The following CLSPN variants were observed in gnomAD, a reference collection of about 807,000 sequenced individuals.
CLSPN encodes the protein claspin homolog.
A neutral mutation model predicts 156.3 loss-of-function variants in CLSPN; 85 were observed. The ratio of observed to expected loss-of-function variants is 0.54; its 90% CI spans 0.46 to 0.65. The LOEUF (loss-of-function observed/expected upper bound fraction) is 0.65, where lower values mean the gene tolerates loss of function less well. Ranked by LOEUF, CLSPN falls within the 30% of genes least tolerant of loss-of-function variation. The probability of loss-of-function intolerance (pLI) is 0.00; values close to 1 mark genes in which losing one functional copy is unlikely to be tolerated. For synonymous variants in CLSPN, 534 were observed against 542.4 expected (o/e 0.98, Z 0.22); for missense variants, 1,407 against 1,554.9 (o/e 0.90, Z 1.60).
At chr1:35,751,716 A>T (rs1357944368) in intron 9 of CLSPN, among the ~76,000 whole-genome samples, 3 of 152,082 alleles carry the variant, frequency 2.0e-5, no homozygotes, top group Non-Finnish European at 4.4e-5. Flanking sequence ...CTACTCAGGG[A>T]TTATAAAATA....
chr1:35,742,233 G>A (rs1338603383), intron 18 of CLSPN, among the ~76,000 whole-genome samples: 2 of 152,218 alleles, frequency 1.3e-5, no homozygotes, highest in Non-Finnish European at 2.9e-5. Context: ...CTGACTGTTA[G>A]GGGAGATTTC....
chr1:35,727,630 A>T (rs567871239), downstream of CLSPN, among the ~76,000 whole-genome samples: 3 of 152,314 alleles, frequency 2.0e-5, no homozygotes, highest in East Asian at 5.8e-4. Context: ...TTATGCACTG[A>T]TCCTTGGAAA....
chr1:35,725,615 G>A (rs1249208510), intron 24 of CLSPN, among the ~76,000 whole-genome samples: 2 of 151,452 alleles, frequency 1.3e-5, no homozygotes, highest in African/African-American at 4.8e-5. Flanking sequence ...AGGCCTGACA[G>A]TTCCTTTCTG....
At chr1:35,763,103 A>C (rs1246844402) in intron 4 of CLSPN, 57 bp downstream of exon 4, 3 of 1,342,034 alleles carry the variant, frequency 2.2e-6, no homozygotes, top group Non-Finnish European at 2.9e-6. Flanking sequence ...TAAATTAAAA[A>C]TATAGCAAAG....
intron 24 of CLSPN, among the ~76,000 whole-genome samples, chr1:35,724,247 G>A (rs1344196994): frequency 6.6e-6 from 1 of 152,174 alleles, no homozygotes; most frequent in Non-Finnish European, 1.5e-5. Flanking sequence ...CTAGCACAGA[G>A]GTGATATTTG....
Position 35,764,548 on chromosome 1 carries a change from G to T in CLSPN, c.300C>A (p.Ile100=). The T allele has an allele frequency of 6.2e-7, 1 of 1,613,706 alleles. No individual in the cohort carries two copies. The highest frequency in any genetic ancestry group is 1.1e-5 in the South Asian group (1 of 91,050). ...CTGCCACAGTTTTGTAAATCCTTTT[G>T]ATTTTTGTATTTTTCCCAGCATATA... ...ENLYAGKNTK[I]KRIYKTVADS... The change falls in exon 3 of 25, where the codon ATC becomes ATA. Residue 100 remains isoleucine (I), a synonymous_variant. Coordinates refer to ENST00000318121, the MANE Select transcript of CLSPN (RefSeq NM_022111.4).
chr1:35,747,492 A>G (rs769542857), intron 14 of CLSPN, among the ~76,000 whole-genome samples: 1 of 152,220 alleles, frequency 6.6e-6, no homozygotes, highest in Non-Finnish European at 1.5e-5. Context: ...TTGTGAAAGA[A>G]TAAAATGTTA....
chr1:35,720,788 G>A (rs1641056498), exon 25 of CLSPN: 1 of 757,382 alleles, frequency 1.3e-6, no homozygotes, highest in Middle Eastern at 2.4e-4. Flanking sequence ...GTGATCTAGG[G>A]TTATGCAGTT....
chr1:35,722,627 CTCTCTT>C (rs902947878), intron 24 of CLSPN, among the ~76,000 whole-genome samples: 1 of 151,804 alleles, frequency 6.6e-6, no homozygotes, highest in African/African-American at 2.4e-5. Flanking sequence ...ATTGTAGTCT[CTCTCTT>C]TCTTTTTTTT....
chr1:35,730,998 G>A (rs1252561114), downstream of CLSPN, among the ~76,000 whole-genome samples: 1 of 151,886 alleles, frequency 6.6e-6, no homozygotes, highest in Non-Finnish European at 1.5e-5. Flanking sequence ...TCAAGAGTTC[G>A]AGACCAGCCT....
intron 3 of CLSPN, 140 bp downstream of exon 3, chr1:35,764,126 C>T: frequency 1.6e-6 from 1 of 626,582 alleles, no homozygotes; most frequent in South Asian, 2.1e-5. Flanking sequence ...AAATCACATA[C>T]CTATTGAGAA....
intron 9 of CLSPN, 137 bp from the exon 10 acceptor site, chr1:35,751,643 G>T: frequency 9.2e-7 from 1 of 1,084,434 alleles, no homozygotes; most frequent in Non-Finnish European, 1.3e-6. Context: ...TTTGTTATTT[G>T]AACACAAGAG....
chr1:35,746,890 C>T lies in CLSPN; in HGVS notation c.2730G>A (p.Glu910=), dbSNP rs968872565. 2 of 1,613,542 alleles carry T rather than the reference C, an allele frequency of 1.2e-6. No individual in the cohort carries two copies. Among genetic ancestry groups the T allele is most frequent in the South Asian group, 2.2e-5 (2 of 91,084 alleles). ...ACTTTCCAGTACACAAATCCAACAGCTCATCCATGTTGGCATCCATGGCAT... is the reference window on the plus strand; with the variant it reads ...ACTTTCCAGTACACAAATCCAACAGTTCATCCATGTTGGCATCCATGGCAT... ...DENAMDANMD[E]LLDLCTGKFT... The change falls in exon 15 of 25, where the codon GAG becomes GAA. Residue 910 remains glutamate (E), a synonymous_variant. Coordinates refer to ENST00000318121, the MANE Select transcript of CLSPN (RefSeq NM_022111.4). This position sits in a 1 kb window ranked among gnomAD's most constrained non-coding sequence, Gnocchi z 4.2.
downstream of CLSPN, among the ~76,000 whole-genome samples, chr1:35,727,354 G>A (rs1017722145): frequency 2.6e-5 from 4 of 152,170 alleles, no homozygotes; most frequent in Non-Finnish European, 4.4e-5. Flanking sequence ...CCCAAAATAA[G>A]CTAAGAAGGC....
At chr1:35,737,904 G>T in intron 22 of CLSPN, 88 bp downstream of exon 22, 1 of 663,728 alleles carries the variant, frequency 1.5e-6, no homozygotes, top group Non-Finnish European at 2.4e-6. Flanking sequence ...TGATTAAGCT[G>T]CAACAGCTCC....
intron 22 of CLSPN, chr1:35,737,639 G>T (rs1053789241): frequency 4.0e-6 from 2 of 503,208 alleles, no homozygotes; most frequent in Non-Finnish European, 7.1e-6. Flanking sequence ...AGTGGTCAGT[G>T]TAGGGAATAG....
intron 1 of CLSPN, among the ~76,000 whole-genome samples, chr1:35,768,316 C>T (rs964793497): frequency 6.6e-6 from 1 of 151,648 alleles, no homozygotes. Context: ...TGCAGTGAGC[C>T]GAGATTGTGC....
chr1:35,737,944 C>A (rs760404063), intron 22 of CLSPN, 48 bp downstream of exon 22: 1 of 1,059,946 alleles, frequency 9.4e-7, no homozygotes, highest in South Asian at 2.1e-5. Context: ...CAAAGCTCTA[C>A]CACTAACAAT....
intron 10 of CLSPN, 146 bp from the exon 11 acceptor site, chr1:35,749,957 A>C (rs1018751244): frequency 1.6e-5 from 15 of 916,194 alleles, no homozygotes; most frequent in Non-Finnish European, 2.4e-5. Flanking sequence ...CCATATGACC[A>C]TTATCAACAT....
Sources: gnomAD v4.1 joint callset for allele counts (sites outside exome capture counted in the v4.1 genomes callset) on GRCh38, gnomAD v4.1.1 for gene constraint, Gnocchi (gnomAD v3.1) non-coding constraint, MANE v1.5 for transcripts, NCBI Gene and HGNC (gene_info 2026-07-23, HGNC 2026-07-21) for gene names.